FMOD: variants seen among roughly 807,000 people sequenced by gnomAD.
FMOD encodes the protein fibromodulin.
Under a neutral mutation model 27.0 loss-of-function variants are expected in FMOD, and 15 were observed. The observed-to-expected ratio is 0.55, with a 90% CI of 0.37 to 0.85. FMOD has a LOEUF of 0.85. Ranked by LOEUF, FMOD falls within the 40% of genes least tolerant of loss-of-function variation. The probability of loss-of-function intolerance (pLI) is 0.00; values close to 1 mark genes in which losing one functional copy is unlikely to be tolerated. For synonymous variants in FMOD, 210 were observed against 214.0 expected (o/e 0.98, Z 0.16); for missense variants, 460 against 483.2 (o/e 0.95, Z 0.45).
At chr1:203,348,429 G>A (rs1449705781) in intron 1 of FMOD, among the ~76,000 whole-genome samples, 152 bp from the exon 2 acceptor site, 2 of 152,138 alleles carry the variant, frequency 1.3e-5, no homozygotes, top group African/African-American at 4.8e-5. Flanking sequence ...TCATTTCTTC[G>A]GTGCCTCCTC....
intron 2 of FMOD, among the ~76,000 whole-genome samples, chr1:203,344,653 C>T (rs1164439595): frequency 2.0e-5 from 3 of 152,094 alleles, no homozygotes; most frequent in African/African-American, 7.2e-5. Flanking sequence ...CCTGTGCGCC[C>T]CTGAGCTCCT....
Position 203,347,624 on chromosome 1 carries a change from C to G in FMOD, c.647G>C (p.Gly216Ala). Residue 216 changes from glycine to alanine, a missense_variant, in exon 2 of 3, where the codon GGC becomes GCC. Physicochemically the swap from Gly to Ala is moderately conservative, Grantham distance 60. Coordinates refer to ENST00000354955, the MANE Select transcript of FMOD (RefSeq NM_002023.5). ...YLQHNEIQEV[G>A]SSMRGLRSLI... ...TGACCGGAGGCCCCTCATGGAACTG[C>G]CCACTTCCTGGATCTCATTGTGTTG... is the stretch of plus-strand genomic sequence containing the variant. 2 of 1,614,176 alleles carry G rather than the reference C, an allele frequency of 1.2e-6. No individual in the cohort carries two copies. Among genetic ancestry groups the G allele is most frequent in the Non-Finnish European group, 1.7e-6 (2 of 1,180,026 alleles).
intron 1 of FMOD, 105 bp from the exon 2 acceptor site, chr1:203,348,382 C>A: frequency 8.4e-7 from 1 of 1,191,692 alleles, no homozygotes; most frequent in Admixed American, 2.4e-5. Context: ...GCAGAGCTGA[C>A]TTCCATGTCA....
Position 203,348,033 on chromosome 1 carries a change from A to T in FMOD, c.238T>A (p.Cys80Ser). Residue 80 changes from cysteine to serine, a missense_variant, in exon 2 of 3, where the codon TGC (cysteine) becomes AGC (serine). Physicochemically the swap from Cys to Ser is moderately radical, Grantham distance 112. Transcript: ENST00000354955. ...GTGGGGAAGTTGGGTGGGCAGTCGC[A>T]CTCCTGGGGGCAGTCGCGGGGATCT... is the stretch of plus-strand genomic sequence containing the variant. ...PPDPRDCPQE[C>S]DCPPNFPTAM... The T allele has an allele frequency of 6.2e-7, 1 of 1,610,834 alleles. No individual in the cohort carries two copies. Among genetic ancestry groups the T allele is most frequent in the South Asian group, 1.1e-5 (1 of 90,772 alleles).
chr1:203,350,655 C>T lies in FMOD; in HGVS notation c.-8+378G>A, dbSNP rs1658976143. Among the ~76,000 whole-genome samples the T allele has an allele frequency of 2.0e-5, 3 of 152,138 alleles. No individual in the cohort carries two copies. In the South Asian group the frequency reaches 6.2e-4, roughly 31 times the overall value. On this transcript the variant is annotated intron_variant, in intron 1 of 2. Coordinates refer to ENST00000354955, the MANE Select transcript of FMOD (RefSeq NM_002023.5). ...CCCATAATAGCATTTATGTACCAAA[C>T]CCCTCTATAAGAGAGATTGCAGGGA...
Position 203,342,314 on chromosome 1 carries a change from C to T in FMOD, c.*29G>A. ...CATCAAGCCAAATGCCACGGGGGCT[C>T]TCCGCCCAGTACCCGGTGCCAGGGC... On this transcript the variant is annotated 3_prime_UTR_variant, in exon 3 of 3. Coordinates refer to ENST00000354955, the MANE Select transcript of FMOD (RefSeq NM_002023.5). The T allele has an allele frequency of 6.3e-7, 1 of 1,594,996 alleles. No homozygotes were observed. The highest frequency in any genetic ancestry group is 8.6e-7 in the Non-Finnish European group (1 of 1,166,714).
At chr1:203,342,608 T>G (rs1891180) in intron 2 of FMOD, 114 bp from the exon 3 acceptor site, 3 of 1,052,510 alleles carry the variant, frequency 2.9e-6, no homozygotes, top group African/African-American at 1.6e-5. Context: ...AAGTTGGGGA[T>G]GGAGGGCAGA....
In FMOD at chr1:203,342,350, T is replaced by C; in HGVS notation, c.1124A>G (p.Glu375Gly). 6.2e-7 allele frequency: 1 copy of C among 1,611,528 alleles called. No homozygotes were observed. The highest frequency in any genetic ancestry group is 1.7e-5 in the Admixed American group (1 of 59,892). The change falls in exon 3 of 3, where the codon GAG becomes GGG. Residue 375 changes from glutamate to glycine, a missense_variant. Transcript: ENST00000354955. Reference sequence around the variant, plus strand: ...ACCCGGTGCCAGGGCTGCTCAGATCTCGATGAGGCTGGCAAGGCGCAGGCA... The same window carrying C: ...ACCCGGTGCCAGGGCTGCTCAGATCCCGATGAGGCTGGCAAGGCGCAGGCA... ...PLCLRLASLI[E>G]I
intron 2 of FMOD, among the ~76,000 whole-genome samples, chr1:203,344,920 T>C (rs1658860159): frequency 6.6e-6 from 1 of 152,194 alleles, no homozygotes; most frequent in Non-Finnish European, 1.5e-5. Flanking sequence ...CTTTGAGAGA[T>C]GGCTTTACCT....
chr1:203,347,463 G>A lies in FMOD; in HGVS notation c.808C>T (p.Leu270=), dbSNP rs1327065551. 9 of 1,614,224 alleles carry A rather than the reference G, an allele frequency of 5.6e-6. No homozygotes were observed. The highest frequency in any genetic ancestry group is 5.1e-6 in the Non-Finnish European group (6 of 1,180,040). ...PDSYFRGAPK[L]LYVRLSHNSL... is the part of the protein sequence containing the mutation. ...TTGTGGGACAGCCGCACATACAGCA[G>A]CTTGGGCGCCCCCCGGAAGTAGCTA... Residue 270 remains leucine, a synonymous_variant, in exon 2 of 3, where the codon CTG becomes TTG. Transcript: ENST00000354955.
intron 2 of FMOD, among the ~76,000 whole-genome samples, chr1:203,344,334 C>T (rs936600889): frequency 6.6e-6 from 1 of 152,134 alleles, no homozygotes; most frequent in Non-Finnish European, 1.5e-5. Flanking sequence ...GTGGGACATA[C>T]CTGTGGGGAG....
At chr1:203,342,920 G>A (rs1658822341) in intron 2 of FMOD, among the ~76,000 whole-genome samples, 1 of 152,214 alleles carries the variant, frequency 6.6e-6, no homozygotes. Context: ...GAATTGCTGT[G>A]AGAAAGAAGA....
Position 203,342,307 on chromosome 1 carries a change from G to A in FMOD, c.*36C>T, listed in dbSNP as rs373114828. On this transcript the variant is annotated 3_prime_UTR_variant, in exon 3 of 3. Coordinates refer to ENST00000354955, the MANE Select transcript of FMOD (RefSeq NM_002023.5). Reference sequence around the variant, plus strand: ...ACCAAACCATCAAGCCAAATGCCACGGGGGCTCTCCGCCCAGTACCCGGTG... The same window carrying A: ...ACCAAACCATCAAGCCAAATGCCACAGGGGCTCTCCGCCCAGTACCCGGTG... The A allele has an allele frequency of 5.9e-5, 94 of 1,588,844 alleles. No homozygotes were observed. In the African/African-American group the frequency reaches 1.0e-3, roughly 18 times the overall value.
intron 2 of FMOD, among the ~76,000 whole-genome samples, chr1:203,346,976 C>T (rs981510831): frequency 1.1e-4 from 16 of 152,274 alleles, no homozygotes; most frequent in Admixed American, 7.8e-4. Context: ...TTGTGGCAAG[C>T]CTCTGTCCCA....
chr1:203,345,216 T>C (rs1658867125), intron 2 of FMOD, among the ~76,000 whole-genome samples: 1 of 152,126 alleles, frequency 6.6e-6, no homozygotes, highest in Non-Finnish European at 1.5e-5. Context: ...TTGGGGGTTG[T>C]TTGAACAGAG....
In FMOD at chr1:203,347,697, G is replaced by T. The variant is rs779452688; in HGVS notation, c.574C>A (p.Pro192Thr). Residue 192 changes from proline (P) to threonine (T), a missense_variant, in exon 2 of 3, where the codon CCC (proline) becomes ACC (threonine). Physicochemically the swap from Pro to Thr is conservative, Grantham distance 38. Coordinates refer to ENST00000354955, the MANE Select transcript of FMOD (RefSeq NM_002023.5). ...HLDHNQISRV[P>T]NNALEGLENL... ...TCCAGCCCCTCCAGAGCATTGTTGG[G>T]GACCCGTGAGATCTGGTTGTGGTCG... 8 of 1,614,118 alleles carry T rather than the reference G, an allele frequency of 5.0e-6. No individual in the cohort carries two copies. The highest frequency in any genetic ancestry group is 6.8e-6 in the Non-Finnish European group (8 of 1,180,032).
intron 1 of FMOD, 63 bp from the exon 2 acceptor site, chr1:203,348,340 G>T: frequency 6.6e-7 from 1 of 1,524,878 alleles, no homozygotes. Context: ...AGGCAGTGAG[G>T]CAGAGTAGGC....
chr1:203,349,453 C>A (rs1658954533), intron 1 of FMOD, among the ~76,000 whole-genome samples: 1 of 152,138 alleles, frequency 6.6e-6, no homozygotes, highest in Non-Finnish European at 1.5e-5. Flanking sequence ...GGTCTGATGT[C>A]ATCTGAGAGG....
intron 2 of FMOD, among the ~76,000 whole-genome samples, chr1:203,344,029 T>A (rs1658844015): frequency 6.6e-6 from 1 of 152,158 alleles, no homozygotes; most frequent in Non-Finnish European, 1.5e-5. Context: ...AAAACACTCC[T>A]GGTGGGGTAG....
Sources: allele counts gnomAD v4.1 joint callset (sites outside exome capture counted in the v4.1 genomes callset), GRCh38; gene constraint gnomAD v4.1.1; transcripts MANE v1.5; gene names NCBI Gene and HGNC (gene_info 2026-07-23, HGNC 2026-07-21).